The following LPP variants were observed in gnomAD, a reference collection of about 807,000 sequenced individuals.
The protein encoded by LPP is LIM domain containing preferred translocation partner in lipoma, also known as lipoma-preferred partner.
LPP carries 38 observed loss-of-function variants against 60.4 expected under a neutral mutation model. The ratio of observed to expected loss-of-function variants is 0.63; its 90% CI spans 0.49 to 0.83. The LOEUF is 0.83. Among genes scored for constraint, LPP ranks in the 40% least tolerant of loss-of-function variants. The pLI is 0.00. For missense variants in LPP, 902 were observed against 783.6 expected, an observed-to-expected ratio of 1.15 and a Z score of -1.80; for synonymous variants, 328 against 290.8, an observed-to-expected ratio of 1.13 and a Z score of -1.30.
intron 2 of LPP, among the ~76,000 whole-genome samples, chr3:188,297,621 A>G (rs1748371545): frequency 6.6e-6 from 1 of 152,220 alleles, no homozygotes. Context: ...TATCTTGGTT[A>G]TTAACTAAAA....
chr3:188,235,729 G>A (rs953481863), intron 2 of LPP, among the ~76,000 whole-genome samples: 3 of 152,070 alleles, frequency 2.0e-5, no homozygotes, highest in African/African-American at 4.8e-5. Flanking sequence ...TGATTTGTAC[G>A]TTTCTTTTCA....
At chr3:188,511,411 A>T (rs1815614048) in intron 5 of LPP, among the ~76,000 whole-genome samples, 2 of 151,560 alleles carry the variant, frequency 1.3e-5, no homozygotes, top group South Asian at 4.2e-4. Flanking sequence ...AAGTGAATGA[A>T]ACCTATCCTA....
chr3:188,829,781 A>G (rs1756638482), intron 9 of LPP, among the ~76,000 whole-genome samples: 1 of 152,134 alleles, frequency 6.6e-6, no homozygotes, highest in Non-Finnish European at 1.5e-5. Flanking sequence ...CTTACTCACC[A>G]TGTGACCCTG....
intron 2 of LPP, among the ~76,000 whole-genome samples, chr3:188,307,583 G>T (rs1207866793): frequency 1.3e-5 from 2 of 152,108 alleles, no homozygotes; most frequent in African/African-American, 4.8e-5. Context: ...ACCACACTGG[G>T]ATGTAAGCTC....
chr3:188,486,518 G>T (rs974556407), intron 5 of LPP, among the ~76,000 whole-genome samples: 1 of 152,136 alleles, frequency 6.6e-6, no homozygotes, highest in Admixed American at 6.6e-5. Context: ...AGAAGGCGAC[G>T]CTTAAATGAG....
At chr3:188,439,536 T>C (rs1337005634) in intron 4 of LPP, among the ~76,000 whole-genome samples, 1 of 152,202 alleles carries the variant, frequency 6.6e-6, no homozygotes, top group Non-Finnish European at 1.5e-5. Context: ...CTAACAAAAG[T>C]CCCTTGGCAC....
chr3:188,867,131 TA>T (rs1034963132), intron 10 of LPP, among the ~76,000 whole-genome samples: 43 of 152,128 alleles, frequency 2.8e-4, no homozygotes, highest in African/African-American at 9.9e-4. Context: ...ATCTCATTTT[TA>T]GGTCCTTCTT....
intron 6 of LPP, among the ~76,000 whole-genome samples, chr3:188,604,354 C>T (rs574783996): frequency 2.0e-5 from 3 of 152,158 alleles, no homozygotes; most frequent in South Asian, 2.1e-4. Context: ...TAAATGCATT[C>T]GTCTCTTTCC....
rs769719964 is a variant in LPP at position 188,609,764 on chromosome 3, A to G, written c.1033A>G (p.Met345Val). The change falls in exon 7 of 12, where the codon ATG becomes GTG. Residue 345 changes from methionine to valine, a missense_variant. By Grantham distance (21) the Met-to-Val change is conservative. Transcript: ENST00000617246. The surrounding 1 kb of genome is among the most constrained non-coding windows in gnomAD (Gnocchi z 6.9). ...AGCAGGGAACCAGAACCCTCCTGGG[A>G]TGTATCCAGTCACTGGTCCCAAGAA... ...PGAGNQNPPG[M>V]YPVTGPKKTY... The G allele has an allele frequency of 1.9e-6, 3 of 1,613,942 alleles. No homozygotes were observed. The African/African-American group carries it at 4.0e-5, about 22-fold the overall frequency.
Position 188,404,015 on chromosome 3 carries a change from A to G in LPP, c.-9-2097A>G, listed in dbSNP as rs77717260. 2.0e-5 allele frequency among the ~76,000 whole-genome samples: 3 copies of G among 152,142 alleles called. No homozygotes were observed. In the East Asian group the frequency reaches 5.8e-4, roughly 29 times the overall value. On this transcript the variant is annotated intron_variant, in intron 3 of 11. Coordinates refer to ENST00000617246, the MANE Select transcript of LPP (RefSeq NM_001375462.1). Reference sequence around the variant, plus strand: ...GGCTTCAATAGCATGTGTCCTGATTACCAGTTTAGAGTCTTTGTCATTGAT... The same window carrying G: ...GGCTTCAATAGCATGTGTCCTGATTGCCAGTTTAGAGTCTTTGTCATTGAT...
chr3:188,300,826 A>G (rs536009528), intron 2 of LPP, among the ~76,000 whole-genome samples: 15 of 152,306 alleles, frequency 9.8e-5, no homozygotes, highest in South Asian at 8.3e-4. Flanking sequence ...GGGCACATAT[A>G]TAATACTGTA....
At chr3:188,178,434 C>T (rs111396505) in intron 1 of LPP, 8 of 152,328 alleles carry the variant, frequency 5.3e-5, no homozygotes, top group African/African-American at 1.4e-4. Flanking sequence ...GCTGACTGTT[C>T]GCTTTTGCAA....
At chr3:188,677,665 T>G (rs1032422304) in intron 7 of LPP, among the ~76,000 whole-genome samples, 8 of 152,188 alleles carry the variant, frequency 5.3e-5, no homozygotes, top group Non-Finnish European at 1.0e-4. Context: ...AGCTGCTCTG[T>G]CATTTGCATG....
chr3:188,166,767 C>A lies in LPP; in HGVS notation c.-190+12515C>A, dbSNP rs188140170. 1.1e-3 allele frequency among the ~76,000 whole-genome samples: 169 copies of A among 152,254 alleles called. 1 individual carries two copies. The highest frequency in any genetic ancestry group is 3.4e-4 in the Non-Finnish European group (23 of 68,014). ...ATATTCATATCCACAGCATCTGCTG[C>A]AAATCCTGGGATGTTATAAATAATT... On this transcript the variant is annotated intron_variant, in intron 1 of 11. Transcript: ENST00000617246.
At chr3:188,394,096 A>G (rs918364200) in intron 3 of LPP, among the ~76,000 whole-genome samples, 1 of 152,238 alleles carries the variant, frequency 6.6e-6, no homozygotes, top group Non-Finnish European at 1.5e-5. Context: ...TTTGAGACTT[A>G]AAAATTTATC....
intron 8 of LPP, among the ~76,000 whole-genome samples, chr3:188,728,981 C>T (rs1719429256): frequency 6.6e-6 from 1 of 151,882 alleles, no homozygotes; most frequent in South Asian, 2.1e-4. Context: ...ATCCCTTTTC[C>T]CATGTGATAA....
chr3:188,267,653 C>T (rs1276997979), intron 2 of LPP, among the ~76,000 whole-genome samples: 1 of 152,184 alleles, frequency 6.6e-6, no homozygotes, highest in Non-Finnish European at 1.5e-5. Flanking sequence ...GACCTGTGCT[C>T]AGCATTCTTT....
chr3:188,749,774 C>T (rs927063730), intron 8 of LPP, among the ~76,000 whole-genome samples: 1 of 152,164 alleles, frequency 6.6e-6, no homozygotes, highest in Non-Finnish European at 1.5e-5. Context: ...TGTGAATCTG[C>T]AAATTTATTT....
chr3:188,607,081 T>A (rs527272860), intron 6 of LPP, among the ~76,000 whole-genome samples: 17 of 151,272 alleles, frequency 1.1e-4, no homozygotes, highest in South Asian at 6.3e-4. Context: ...ACTTTTTTTT[T>A]ATAAGTTTCT....
Sources: allele counts gnomAD v4.1 joint callset (sites outside exome capture counted in the v4.1 genomes callset), GRCh38; gene constraint gnomAD v4.1.1; non-coding constraint Gnocchi (gnomAD v3.1); transcripts MANE v1.5; gene names NCBI Gene and HGNC (gene_info 2026-07-23, HGNC 2026-07-21).